TENM3: variants seen among roughly 807,000 people sequenced by gnomAD.
TENM3 encodes the protein teneurin transmembrane protein 3.
TENM3 carries 63 observed loss-of-function variants against 255.1 expected under a neutral mutation model. The observed-to-expected ratio is 0.25, with a 90% CI of 0.20 to 0.30. The LOEUF (loss-of-function observed/expected upper bound fraction) is 0.30. Among genes scored for constraint, TENM3 ranks in the 10% least tolerant of loss-of-function variants. TENM3 has a pLI of 1.00. For synonymous variants in TENM3, 1,306 were observed against 1,322.3 expected (o/e 0.99, Z 0.27); for missense variants, 2,929 against 3,461.1 (o/e 0.85, Z 3.86).
intron 7 of TENM3, among the ~76,000 whole-genome samples, chr4:182,678,123 A>AC (rs1429387508): frequency 6.6e-6 from 1 of 152,188 alleles, no homozygotes; most frequent in Non-Finnish European, 1.5e-5. Flanking sequence ...CATTCTATAG[A>AC]CACTGAATCA....
At chr4:182,164,399 C>G (rs1199094173) in intron 1 of TENM3, among the ~76,000 whole-genome samples, 1 of 152,186 alleles carries the variant, frequency 6.6e-6, no homozygotes, top group Non-Finnish European at 1.5e-5. Flanking sequence ...TTCTAAGTAT[C>G]TCAAAATCAT....
chr4:182,498,681 C>T (rs1314844506), intron 3 of TENM3, among the ~76,000 whole-genome samples: 1 of 151,802 alleles, frequency 6.6e-6, no homozygotes, highest in East Asian at 1.9e-4. Context: ...TGGTGAAACC[C>T]CGTCTCTACT....
chr4:182,224,370 C>T (rs1165201734), intron 1 of TENM3, among the ~76,000 whole-genome samples: 2 of 152,138 alleles, frequency 1.3e-5, no homozygotes, highest in Non-Finnish European at 2.9e-5. Flanking sequence ...GGAGAAAATT[C>T]TTTTCCTGGC....
chr4:182,751,922 C>T lies in TENM3; in HGVS notation c.3752C>T (p.Thr1251Ile). The change falls in exon 20 of 28, where the codon ACT becomes ATT. Residue 1251 changes from threonine (T) to isoleucine (I), a missense_variant. Thr to Ile is a moderately conservative substitution (Grantham distance 89). Coordinates refer to ENST00000511685, the MANE Select transcript of TENM3 (RefSeq NM_001080477.4). ...TCACTTACGGGGGCAAAAGACTTGACTAAAAATGCAGAAGTCGTCGCAGGG... is the reference window on the plus strand; with the variant it reads ...TCACTTACGGGGGCAAAAGACTTGATTAAAAATGCAGAAGTCGTCGCAGGG... The part of the protein sequence containing the change: ...PKSLTGAKDL[T>I]KNAEVVAGTG... 2 of 1,613,906 alleles carry T rather than the reference C, an allele frequency of 1.2e-6. No individual in the cohort carries two copies. Among genetic ancestry groups the T allele is most frequent in the East Asian group, 2.2e-5 (1 of 44,856 alleles).
At chr4:181,684,255 G>A in the TENM3 span, among the ~76,000 whole-genome samples, 5 of 152,250 alleles carry the variant, frequency 3.3e-5, no homozygotes, top group South Asian at 6.2e-4. Flanking sequence ...AGTGAAGGCC[G>A]AAAGCCCTAA....
intron 1 of TENM3, among the ~76,000 whole-genome samples, chr4:182,244,589 T>G (rs972100814): frequency 6.6e-6 from 1 of 152,188 alleles, no homozygotes; most frequent in African/African-American, 2.4e-5. Context: ...GCTCCTAAAC[T>G]GATGGACAAG....
At chr4:182,150,125 C>A (rs576257781) in intron 1 of TENM3, among the ~76,000 whole-genome samples, 1 of 151,278 alleles carries the variant, frequency 6.6e-6, no homozygotes, top group African/African-American at 2.4e-5. Flanking sequence ...GGGATGGGAT[C>A]ATATTAATAA....
chr4:182,621,661 ATATGTAT>A lies in TENM3; in HGVS notation c.750-6986_750-6980del, dbSNP rs1561016041. On this transcript the variant is annotated intron_variant, in intron 4 of 27. Coordinates refer to ENST00000511685, the MANE Select transcript of TENM3 (RefSeq NM_001080477.4). ...TATATAATACATATTATAATATATA[ATATGTAT>A]TATATATATAAAATATATAATATAT... 2.2e-3 allele frequency among the ~76,000 whole-genome samples: 103 copies of A among 45,868 alleles called. 2 individuals are homozygous for A. The highest frequency in any genetic ancestry group is 3.8e-3 in the Non-Finnish European group (78 of 20,610). The allele number at this position is 45,868 out of a possible 152,430, so 30.1% of individuals were successfully genotyped here.
At chr4:182,035,321 A>T in the TENM3 span, among the ~76,000 whole-genome samples, 1 of 152,234 alleles carries the variant, frequency 6.6e-6, no homozygotes, top group Non-Finnish European at 1.5e-5. Flanking sequence ...ATTATTAAAA[A>T]TACCAGCAGG....
chr4:181,774,982 A>C, the TENM3 span, among the ~76,000 whole-genome samples: 1 of 135,476 alleles, frequency 7.4e-6, no homozygotes, highest in African/African-American at 3.3e-5. Flanking sequence ...GTTCACTCTG[A>C]TGGTAGTTTC....
the TENM3 span, among the ~76,000 whole-genome samples, chr4:181,712,648 T>A: frequency 6.6e-6 from 1 of 152,226 alleles, no homozygotes; most frequent in East Asian, 1.9e-4. Context: ...ATTGTTTTAT[T>A]TTTCGCTCTC....
chr4:182,269,469 G>A (rs1207084271), intron 1 of TENM3, among the ~76,000 whole-genome samples: 1 of 152,160 alleles, frequency 6.6e-6, no homozygotes, highest in African/African-American at 2.4e-5. Flanking sequence ...GTTGAGTGTA[G>A]GAATTAAGTA....
chr4:182,672,626 A>G (rs377428813), intron 6 of TENM3, among the ~76,000 whole-genome samples: 7 of 152,334 alleles, frequency 4.6e-5, no homozygotes, highest in African/African-American at 1.7e-4. Context: ...TTGCAGTGTT[A>G]TAGTATGTTT....
At chr4:182,301,263 A>AT (rs1187526907) in intron 1 of TENM3, among the ~76,000 whole-genome samples, 1 of 152,028 alleles carries the variant, frequency 6.6e-6, no homozygotes, top group Non-Finnish European at 1.5e-5. Context: ...TGCCCCTGAA[A>AT]TTTTTTCCTT....
rs779665293 is a variant in TENM3, at chr4:182,789,182, G to A, written c.5394G>A (p.Arg1798=). ...IYDDHRKFLL[R]IAYDTSGHPT... Reference sequence around the variant, plus strand: ...ACGACCACCGTAAATTTCTACTGAGGATCGCCTACGACACGTCTGGGCACC... The same window carrying A: ...ACGACCACCGTAAATTTCTACTGAGAATCGCCTACGACACGTCTGGGCACC... Residue 1798 remains arginine, a synonymous_variant, in exon 25 of 28, where the codon AGG becomes AGA. Transcript: ENST00000511685. The surrounding 1 kb of genome is among the most constrained non-coding windows in gnomAD (Gnocchi z 4.4). The A allele has an allele frequency of 1.9e-6, 3 of 1,612,912 alleles. No homozygotes were observed. The highest frequency in any genetic ancestry group is 2.5e-6 in the Non-Finnish European group (3 of 1,179,466).
chr4:182,006,659 A>T, the TENM3 span, among the ~76,000 whole-genome samples: 1 of 151,042 alleles, frequency 6.6e-6, no homozygotes, highest in African/African-American at 2.4e-5. Flanking sequence ...ATGTTTTGTT[A>T]ATTTTTTCAA....
At chr4:181,731,038 A>G in the TENM3 span, among the ~76,000 whole-genome samples, 2 of 152,248 alleles carry the variant, frequency 1.3e-5, no homozygotes, top group African/African-American at 4.8e-5. Context: ...TTTGATATGC[A>G]TTATGATTAT....
chr4:182,592,128 CTTTTTTTTT>C (rs77448760), intron 3 of TENM3, among the ~76,000 whole-genome samples: 2 of 137,644 alleles, frequency 1.5e-5, no homozygotes, highest in Admixed American at 1.5e-4. Flanking sequence ...TTCTTTTCTT[CTTTTTTTTT>C]TTTTTTTTAC....
At chr4:181,775,701 C>T in the TENM3 span, among the ~76,000 whole-genome samples, 133 of 152,246 alleles carry the variant, frequency 8.7e-4, no homozygotes, top group African/African-American at 2.7e-3. Flanking sequence ...TTCATTTGGA[C>T]GCTTACAAAA....
Sources: allele counts gnomAD v4.1 joint callset (sites outside exome capture counted in the v4.1 genomes callset), GRCh38; gene constraint gnomAD v4.1.1; non-coding constraint Gnocchi (gnomAD v3.1); transcripts MANE v1.5; gene names NCBI Gene and HGNC (gene_info 2026-07-23, HGNC 2026-07-21).